R3HDM1: variants seen among roughly 807,000 people sequenced by gnomAD.
R3HDM1 encodes the protein R3H domain-containing protein 1.
R3HDM1 carries 46 observed loss-of-function variants against 141.1 expected under a neutral mutation model. That is an observed-to-expected ratio of 0.33 (90% confidence interval 0.26 to 0.42). The LOEUF (loss-of-function observed/expected upper bound fraction) is 0.42, where lower values mean the gene tolerates loss of function less well. Among genes scored for constraint, R3HDM1 ranks in the 10% least tolerant of loss-of-function variants. The probability of loss-of-function intolerance (pLI) is 1.00; values close to 1 mark genes in which losing one functional copy is unlikely to be tolerated. For missense variants in R3HDM1, 1,184 were observed against 1,368.3 expected, an observed-to-expected ratio of 0.87 and a Z score of 2.12; for synonymous variants, 435 against 472.9, an observed-to-expected ratio of 0.92 and a Z score of 1.04.
Position 135,599,637 on chromosome 2 carries a change from G to T in R3HDM1, c.-249-2863G>T, listed in dbSNP as rs112050084. The stretch of plus-strand genomic sequence containing the variant: ...CAAACTGAGAAGTGTAGGCTTCATG[G>T]GTTTACCAAAAAGGGGTTTGTTTTT... On this transcript the variant is annotated intron_variant, in intron 1 of 26. Coordinates refer to ENST00000683871, the MANE Select transcript of R3HDM1 (RefSeq NM_001378107.1). Among the ~76,000 whole-genome samples, 123 of 152,120 alleles carry T rather than the reference G, an allele frequency of 8.1e-4. 1 individual carries two copies. Among genetic ancestry groups the T allele is most frequent in the African/African-American group, 2.8e-3 (118 of 41,550 alleles).
intron 1 of R3HDM1, among the ~76,000 whole-genome samples, chr2:135,535,698 C>A (rs1695948859): frequency 6.6e-6 from 1 of 151,842 alleles, no homozygotes. Context: ...TATAATTAAA[C>A]AAAATTTTGT....
At chr2:135,611,941 C>A (rs2060590011) in intron 3 of R3HDM1, among the ~76,000 whole-genome samples, 1 of 152,138 alleles carries the variant, frequency 6.6e-6, no homozygotes, top group Non-Finnish European at 1.5e-5. Flanking sequence ...TGGGATGATC[C>A]TGTATCTTCA....
rs2059922163 is a variant in R3HDM1 at position 135,604,954 on chromosome 2, A to C, written c.109A>C (p.Asn37His). 1.2e-6 allele frequency: 2 copies of C among 1,612,556 alleles called. No individual in the cohort carries two copies. Among genetic ancestry groups the C allele is most frequent in the Non-Finnish European group, 1.7e-6 (2 of 1,178,890 alleles). The change falls in exon 3 of 27, where the codon AAC becomes CAC. Residue 37 changes from asparagine (N) to histidine (H), a missense_variant. This residue lies in a region of R3HDM1 where 192 missense variants were observed against 215.7 expected (regional missense o/e 0.89). Transcript: ENST00000683871. ...TRVENLIKSE[N>H]YGKILVEKNE... Reference sequence around the variant, plus strand: ...AGTTGAAAATCTTATCAAATCAGAAAACTATGGGAAGATTTTGGTAGAGAA... The same window carrying C: ...AGTTGAAAATCTTATCAAATCAGAACACTATGGGAAGATTTTGGTAGAGAA...
chr2:135,618,285 C>T (rs146396261), intron 5 of R3HDM1, among the ~76,000 whole-genome samples: 7,513 of 151,292 alleles, frequency 0.05, 763 homozygotes, highest in East Asian at 0.46. Context: ...CTCAGCCTGC[C>T]GAGTAGCTGG....
intron 1 of R3HDM1, among the ~76,000 whole-genome samples, chr2:135,564,189 G>A (rs528720394): frequency 6.6e-6 from 1 of 152,274 alleles, no homozygotes; most frequent in East Asian, 1.9e-4. Flanking sequence ...TGTATATTTT[G>A]TACCTCTACC....
At chr2:135,691,906 T>C (rs2072450977) in intron 21 of R3HDM1, among the ~76,000 whole-genome samples, 1 of 152,146 alleles carries the variant, frequency 6.6e-6, no homozygotes, top group Admixed American at 6.5e-5. Flanking sequence ...CTAGAGTTTT[T>C]GTTTGTTTCT....
intron 23 of R3HDM1, among the ~76,000 whole-genome samples, chr2:135,711,505 T>C (rs2075623725): frequency 6.6e-6 from 1 of 150,996 alleles, no homozygotes; most frequent in Non-Finnish European, 1.5e-5. Flanking sequence ...CTATAAAAAA[T>C]ACAAAAAATT....
intron 3 of R3HDM1, among the ~76,000 whole-genome samples, chr2:135,615,911 T>C (rs1419399539): frequency 6.6e-6 from 1 of 152,186 alleles, no homozygotes; most frequent in Non-Finnish European, 1.5e-5. Context: ...CATTTGCTGA[T>C]TTAAAGAAAA....
chr2:135,615,896 G>T (rs1434920163), intron 3 of R3HDM1, among the ~76,000 whole-genome samples: 1 of 152,136 alleles, frequency 6.6e-6, no homozygotes, highest in Non-Finnish European at 1.5e-5. Flanking sequence ...CACAGAAATT[G>T]TGGCCATTTG....
At chr2:135,617,413 AAT>A (rs2061143186) in intron 5 of R3HDM1, among the ~76,000 whole-genome samples, 1 of 152,096 alleles carries the variant, frequency 6.6e-6, no homozygotes, top group Non-Finnish European at 1.5e-5. Context: ...ACCTTTTAGA[AAT>A]TTCTCAGATA....
At chr2:135,539,018 A>G (rs1290516881) in intron 1 of R3HDM1, among the ~76,000 whole-genome samples, 1 of 152,184 alleles carries the variant, frequency 6.6e-6, no homozygotes, top group East Asian at 1.9e-4. Flanking sequence ...GCACAGGGTC[A>G]GTATCATCAG....
chr2:135,634,508 G>T (rs2105226454), intron 9 of R3HDM1, among the ~76,000 whole-genome samples: 1 of 152,212 alleles, frequency 6.6e-6, no homozygotes, highest in South Asian at 2.1e-4. Flanking sequence ...GCTGGGCATG[G>T]TGGCACCCTC....
intron 19 of R3HDM1, among the ~76,000 whole-genome samples, chr2:135,665,938 T>C (rs1363389008): frequency 6.6e-6 from 1 of 152,212 alleles, no homozygotes. Flanking sequence ...ACGATGATGT[T>C]GTTGCATACC....
chr2:135,641,932 T>G, intron 15 of R3HDM1, 142 bp downstream of exon 15: 1 of 1,096,394 alleles, frequency 9.1e-7, no homozygotes, highest in South Asian at 1.9e-5. Flanking sequence ...ACAAAAACAC[T>G]TAATGCTAGG....
At chr2:135,705,829 T>TA (rs1035267181) in intron 21 of R3HDM1, among the ~76,000 whole-genome samples, 18 of 151,920 alleles carry the variant, frequency 1.2e-4, no homozygotes, top group East Asian at 3.9e-4. Flanking sequence ...ATGAGCACTG[T>TA]AAAAAAACTC....
At chr2:135,689,524 G>A (rs1276678511) in intron 21 of R3HDM1, among the ~76,000 whole-genome samples, 1 of 152,132 alleles carries the variant, frequency 6.6e-6, no homozygotes, top group Non-Finnish European at 1.5e-5. Context: ...GTGAGTCTTT[G>A]TTTTGAAAAA....
At chr2:135,690,057 A>G (rs2072077665) in intron 21 of R3HDM1, among the ~76,000 whole-genome samples, 1 of 152,098 alleles carries the variant, frequency 6.6e-6, no homozygotes, top group African/African-American at 2.4e-5. Flanking sequence ...TGTTTCACAG[A>G]ATCTTTATGA....
intron 1 of R3HDM1, among the ~76,000 whole-genome samples, chr2:135,552,221 G>T (rs756065096): frequency 7.9e-5 from 12 of 151,756 alleles, no homozygotes; most frequent in Non-Finnish European, 1.8e-4. Context: ...GGAGGGACAG[G>T]GTCTTGCTCT....
chr2:135,636,922 C>T (rs2063323723), intron 11 of R3HDM1, among the ~76,000 whole-genome samples: 1 of 152,134 alleles, frequency 6.6e-6, no homozygotes. Flanking sequence ...TATTCATGGA[C>T]AGTTAAAATA....
Sources: allele counts gnomAD v4.1 joint callset (sites outside exome capture counted in the v4.1 genomes callset), GRCh38; gene constraint gnomAD v4.1.1; regional missense constraint gnomAD v4.1.1; transcripts MANE v1.5; gene names NCBI Gene and HGNC (gene_info 2026-07-23, HGNC 2026-07-21).